Variants in PARD3B observed in about 807,000 individuals in gnomAD.
PARD3B encodes the protein partitioning defective 3 homolog B.
In PARD3B, 103 loss-of-function variants were observed where a neutral mutation model predicts 130.2. The observed-to-expected ratio is 0.79, with a 90% CI of 0.67 to 0.93. The LOEUF (loss-of-function observed/expected upper bound fraction) is 0.93. Ranked by LOEUF, PARD3B falls within the 40% of genes least tolerant of loss-of-function variation. The pLI is 0.00. For missense variants in PARD3B, 1,609 were observed against 1,499.2 expected (o/e 1.07, Z -1.21); for synonymous variants, 583 against 553.2 (o/e 1.05, Z -0.76).
chr2:205,380,773 T>C (rs1468867193), intron 18 of PARD3B, among the ~76,000 whole-genome samples: 4 of 104,464 alleles, frequency 3.8e-5, no homozygotes, highest in African/African-American at 1.6e-4. Flanking sequence ...ATATATATAA[T>C]ATATAAAGAA....
At chr2:205,338,793 A>G (rs2043410455) in intron 18 of PARD3B, among the ~76,000 whole-genome samples, 1 of 152,356 alleles carries the variant, frequency 6.6e-6, no homozygotes, top group Non-Finnish European at 1.5e-5. Flanking sequence ...AATTATAGTG[A>G]ATTTCCAGAT....
At chr2:205,479,895 ATTTTTTTTT>A (rs71032475) in intron 20 of PARD3B, among the ~76,000 whole-genome samples, 3 of 127,832 alleles carry the variant, frequency 2.3e-5, no homozygotes, top group Non-Finnish European at 4.8e-5. Context: ...GCCATATGCA[ATTTTTTTTT>A]TTTTTTTTTT....
intron 10 of PARD3B, among the ~76,000 whole-genome samples, chr2:205,150,211 C>CTGTGTGTGTGTGTGTG (rs71409001): frequency 7.5e-6 from 1 of 134,182 alleles, no homozygotes; most frequent in African/African-American, 2.8e-5. Context: ...CAGCCAGGCT[C>CTGTGTGTGTGTGTGTG]TGTGTGTGTG....
chr2:204,742,811 T>C (rs1339358091), intron 2 of PARD3B, among the ~76,000 whole-genome samples: 2 of 152,316 alleles, frequency 1.3e-5, no homozygotes, highest in East Asian at 1.9e-4. Flanking sequence ...ATAGGTAGAA[T>C]AGGATTGTTT....
rs2054432257 is a variant in PARD3B at position 205,592,739 on chromosome 2, G to T, written c.3261-22717G>T. ...GCTCATAGGAGGGGCATCTGATTCA[G>T]AAGTAAAGGATCAGGAAGAAGCGGC... On this transcript the variant is annotated intron_variant, in intron 22 of 22. Coordinates refer to ENST00000406610, the MANE Select transcript of PARD3B (RefSeq NM_001302769.2). The surrounding 1 kb of genome is among the most constrained non-coding windows in gnomAD (Gnocchi z 4.5). Among the ~76,000 whole-genome samples the T allele has an allele frequency of 6.6e-6, 1 of 152,220 alleles. No homozygotes were observed. The highest frequency in any genetic ancestry group is 2.4e-5 in the African/African-American group (1 of 41,474).
intron 2 of PARD3B, among the ~76,000 whole-genome samples, chr2:204,929,867 A>G (rs1005791225): frequency 6.6e-5 from 10 of 152,044 alleles, no homozygotes; most frequent in African/African-American, 2.4e-4. Context: ...CTGTATTTCT[A>G]TTCCGTAACA....
Position 205,263,312 on chromosome 2 carries a change from A to AACAATTAAGATCAAGTGAT in PARD3B, c.2185+17490_2185+17491insACAATTAAGATCAAGTGAT, listed in dbSNP as rs1553652727. On this transcript the variant is annotated intron_variant, in intron 16 of 22. Transcript: ENST00000406610. The surrounding 1 kb of genome is among the most constrained non-coding windows in gnomAD (Gnocchi z 4.0). ...AGGTGGTGGGGCAAAAACAGTGGGA[A>AACAATTAAGATCAAGTGAT]TATATGGAAGCAGCAAGGAACATAA... is the stretch of plus-strand genomic sequence containing the variant. Among the ~76,000 whole-genome samples, 2 of 151,742 alleles carry AACAATTAAGATCAAGTGAT rather than the reference A, an allele frequency of 1.3e-5. No individual in the cohort carries two copies. Among genetic ancestry groups the AACAATTAAGATCAAGTGAT allele is most frequent in the African/African-American group, 4.8e-5 (2 of 41,414 alleles).
At chr2:204,921,144 C>G (rs542729919) in intron 2 of PARD3B, among the ~76,000 whole-genome samples, 1 of 152,278 alleles carries the variant, frequency 6.6e-6, no homozygotes, top group East Asian at 1.9e-4. Flanking sequence ...TATCTCTTTA[C>G]AAACCTGAGA....
intron 1 of PARD3B, among the ~76,000 whole-genome samples, chr2:204,626,354 A>C (rs1429854653): frequency 6.6e-6 from 1 of 152,078 alleles, no homozygotes; most frequent in Non-Finnish European, 1.5e-5. Context: ...CTTTTTCCTT[A>C]CTTTTTTTCT....
intron 22 of PARD3B, among the ~76,000 whole-genome samples, chr2:205,576,513 G>A (rs1398785990): frequency 1.3e-5 from 2 of 151,974 alleles, no homozygotes; most frequent in Admixed American, 6.6e-5. Flanking sequence ...TTTTGCATGT[G>A]GATGTCCAGT....
At chr2:205,199,365 C>A (rs1487809055) in intron 15 of PARD3B, among the ~76,000 whole-genome samples, 2 of 152,080 alleles carry the variant, frequency 1.3e-5, no homozygotes, top group Non-Finnish European at 2.9e-5. Flanking sequence ...ATGTGGCTGC[C>A]TCAAGAACTC....
chr2:204,549,936 C>A (rs1031894427), intron 1 of PARD3B, among the ~76,000 whole-genome samples: 3 of 148,886 alleles, frequency 2.0e-5, no homozygotes, highest in African/African-American at 7.4e-5. Context: ...TAAAAAAAAA[C>A]AAACAAATAA....
chr2:204,691,085 A>C (rs894061634), intron 2 of PARD3B, among the ~76,000 whole-genome samples: 4 of 152,180 alleles, frequency 2.6e-5, no homozygotes, highest in African/African-American at 9.6e-5. Context: ...GGCCCTAAGA[A>C]GTCTGAAGAC....
At chr2:205,227,500 C>T (rs546911888) in intron 15 of PARD3B, among the ~76,000 whole-genome samples, 1 of 152,214 alleles carries the variant, frequency 6.6e-6, no homozygotes, top group South Asian at 2.1e-4. Context: ...TATACCTACT[C>T]CTGCTCTTTT....
chr2:204,756,123 G>A (rs2040660475), intron 2 of PARD3B, among the ~76,000 whole-genome samples: 1 of 152,082 alleles, frequency 6.6e-6, no homozygotes, highest in African/African-American at 2.4e-5. Context: ...GAGTTTCTAT[G>A]TTAGTGTTCT....
At position 204,877,380 on chromosome 2, in the gene PARD3B, A is replaced by G. The variant is rs528986878; in HGVS notation, c.223-87772A>G. Among the ~76,000 whole-genome samples the G allele has an allele frequency of 3.3e-5, 5 of 152,276 alleles. No homozygotes were observed. In the East Asian group the frequency reaches 9.7e-4, roughly 29 times the overall value. ...CCTGCACGTTGTGCACATATACCCTAGAACTTAAAGTATAATAAAAAAATT... is the reference window on the plus strand; with the variant it reads ...CCTGCACGTTGTGCACATATACCCTGGAACTTAAAGTATAATAAAAAAATT... On this transcript the variant is annotated intron_variant, in intron 2 of 22. Coordinates refer to ENST00000406610, the MANE Select transcript of PARD3B (RefSeq NM_001302769.2).
At chr2:204,957,129 C>T (rs1690323121) in intron 2 of PARD3B, among the ~76,000 whole-genome samples, 1 of 152,114 alleles carries the variant, frequency 6.6e-6, no homozygotes, top group Admixed American at 6.5e-5. Context: ...AAAATTCTCT[C>T]CAACTTGTCA....
intron 19 of PARD3B, among the ~76,000 whole-genome samples, chr2:205,406,638 AC>A (rs1393408142): frequency 6.8e-6 from 1 of 147,350 alleles, no homozygotes; most frequent in Non-Finnish European, 1.5e-5. Context: ...GCCACATAGC[AC>A]CTAAAATCTT....
intron 4 of PARD3B, among the ~76,000 whole-genome samples, chr2:205,049,877 C>T (rs1177523364): frequency 1.3e-5 from 2 of 152,110 alleles, no homozygotes; most frequent in East Asian, 3.9e-4. Flanking sequence ...CTCATAGTGT[C>T]CTCTGTGGAT....
Sources: allele counts gnomAD v4.1 joint callset (sites outside exome capture counted in the v4.1 genomes callset), GRCh38; gene constraint gnomAD v4.1.1; non-coding constraint Gnocchi (gnomAD v3.1); transcripts MANE v1.5; gene names NCBI Gene and HGNC (gene_info 2026-07-23, HGNC 2026-07-21).